The following NCKAP1L variants were observed in gnomAD, a reference collection of about 807,000 sequenced individuals.
NCKAP1L encodes the protein NCK associated protein 1 like, also known as nck-associated protein 1-like.
NCKAP1L carries 53 observed loss-of-function variants against 139.2 expected under a neutral mutation model. That is an observed-to-expected ratio of 0.38 (90% CI 0.31 to 0.48). NCKAP1L has a LOEUF of 0.48. Ranked by LOEUF, NCKAP1L falls within the 20% of genes least tolerant of loss-of-function variation. NCKAP1L has a pLI of 0.98. For synonymous variants in NCKAP1L, 468 were observed against 499.7 expected (o/e 0.94, Z 0.85); for missense variants, 1,151 against 1,381.9 (o/e 0.83, Z 2.65).
chr12:54,524,414 C>T (rs908360258), intron 20 of NCKAP1L, among the ~76,000 whole-genome samples: 1 of 152,184 alleles, frequency 6.6e-6, no homozygotes, highest in Non-Finnish European at 1.5e-5. Flanking sequence ...GAGTGCAAAG[C>T]TCCTGACATA....
At chr12:54,538,855 A>G in intron 29 of NCKAP1L, 29 bp from the exon 30 acceptor site, 1 of 1,592,212 alleles carries the variant, frequency 6.3e-7, no homozygotes, top group Admixed American at 1.7e-5. Context: ...CCTGTATAAA[A>G]ATCTGCTTTA....
chr12:54,521,151 C>T lies in NCKAP1L; in HGVS notation c.1791C>T (p.His597=). 6.2e-7 allele frequency: 1 copy of T among 1,614,124 alleles called. No homozygotes were observed. The highest frequency in any genetic ancestry group is 8.5e-7 in the Non-Finnish European group (1 of 1,180,014). Residue 597 remains histidine (H), a synonymous_variant, in exon 18 of 31, where the codon CAC becomes CAT. Transcript: ENST00000293373. ...YPHLKNHGLH[H]CNSFLEELAK... The stretch of plus-strand genomic sequence containing the variant: ...ACCTCAAGAACCATGGTCTTCACCA[C>T]TGCAACTCCTTCCTGGAAGAGTTGG...
At chr12:54,507,992 G>A (rs1161522058) in intron 4 of NCKAP1L, 83 bp downstream of exon 4, 1 of 1,220,842 alleles carries the variant, frequency 8.2e-7, no homozygotes, top group South Asian at 1.2e-5. Context: ...CTACTCACAG[G>A]ATGGGGTGGG....
rs1957199649 is a variant in NCKAP1L at position 54,546,609 on chromosome 12, C to T, written c.*3924C>T. 1 of 152,234 alleles carries T rather than the reference C, an allele frequency of 6.6e-6. No homozygotes were observed. Among genetic ancestry groups the T allele is most frequent in the South Asian group, 2.1e-4 (1 of 4,832 alleles). 9.4% of individuals were successfully genotyped at this position (152,234 alleles called of 1,614,324 possible). A position where few individuals can be genotyped will look rare whatever the true frequency, so the allele number is the denominator to read the frequency against. ...GAAGCTGGCACATGGCTGAAATGCA[C>T]TCACGCGGTTGGGGGAAGAGTGTTC... On this transcript the variant is annotated 3_prime_UTR_variant, in exon 31 of 31. Coordinates refer to ENST00000293373, the MANE Select transcript of NCKAP1L (RefSeq NM_005337.5).
chr12:54,505,460 T>A lies in NCKAP1L; in HGVS notation c.307-2393T>A, dbSNP rs1482146235. Among the ~76,000 whole-genome samples, 6 of 127,488 alleles carry A rather than the reference T, an allele frequency of 4.7e-5. No individual in the cohort carries two copies. The East Asian group carries it at 1.2e-3, about 25-fold the overall frequency. 83.6% of individuals were successfully genotyped at this position (127,488 alleles called of 152,430 possible). A position where few individuals can be genotyped will look rare whatever the true frequency, so the allele number is the denominator to read the frequency against. Reference sequence around the variant, plus strand: ...TCCTTGTGCCTTTTTTTTTTTTTTTTAGCTTCAGCCAATCCCTACCCTTCA... The same window carrying A: ...TCCTTGTGCCTTTTTTTTTTTTTTTAAGCTTCAGCCAATCCCTACCCTTCA... On this transcript the variant is annotated intron_variant, in intron 3 of 30. Coordinates refer to ENST00000293373, the MANE Select transcript of NCKAP1L (RefSeq NM_005337.5).
chr12:54,541,256 C>T (rs1424528675), intron 30 of NCKAP1L, among the ~76,000 whole-genome samples: 1 of 152,176 alleles, frequency 6.6e-6, no homozygotes, highest in Non-Finnish European at 1.5e-5. Flanking sequence ...ATCAAGGTCT[C>T]CCCTAAAATA....
rs1207987658 is a variant in NCKAP1L, at chr12:54,497,855, T to C, written c.66T>C (p.Gly22=). The C allele has an allele frequency of 6.2e-7, 1 of 1,613,322 alleles. No homozygotes were observed. The highest frequency in any genetic ancestry group is 1.1e-5 in the South Asian group (1 of 91,066). The part of the protein sequence containing the change: ...AEKLTILNDR[G]QGVLIRMYNI... The stretch of plus-strand genomic sequence containing the variant: ...AGCTCACTATCCTGAATGATCGCGG[T>C]CAGGGGGTTCTCATCCGTATGTATA... Residue 22 remains glycine, a synonymous_variant, in exon 1 of 31, where the codon GGT becomes GGC. Coordinates refer to ENST00000293373, the MANE Select transcript of NCKAP1L (RefSeq NM_005337.5).
At chr12:54,518,510 C>T (rs1346493058) in intron 13 of NCKAP1L, 141 bp from the exon 14 acceptor site, 7 of 744,110 alleles carry the variant, frequency 9.4e-6, no homozygotes, top group Admixed American at 4.0e-5. Flanking sequence ...AAGTTTCCTT[C>T]ATCTCTTGCT....
intron 26 of NCKAP1L, 50 bp from the exon 27 acceptor site, chr12:54,535,054 G>T (rs878901349): frequency 6.8e-7 from 1 of 1,474,748 alleles, no homozygotes; most frequent in Admixed American, 1.9e-5. Flanking sequence ...CTTCTGTCAA[G>T]CCATTGTGTC....
intron 29 of NCKAP1L, among the ~76,000 whole-genome samples, chr12:54,537,532 G>A (rs528028641): frequency 6.6e-6 from 1 of 152,156 alleles, no homozygotes; most frequent in Non-Finnish European, 1.5e-5. Context: ...GGTAAATCTA[G>A]GCCTCTGTGT....
chr12:54,539,868 C>T (rs1292459436), intron 30 of NCKAP1L, among the ~76,000 whole-genome samples: 3 of 152,216 alleles, frequency 2.0e-5, no homozygotes, highest in African/African-American at 7.2e-5. Flanking sequence ...TGTTAAACTT[C>T]TTCCTACTGA....
chr12:54,528,561 G>A (rs1245994056), intron 22 of NCKAP1L, among the ~76,000 whole-genome samples, 184 bp downstream of exon 22: 2 of 152,038 alleles, frequency 1.3e-5, no homozygotes, highest in Admixed American at 1.3e-4. Context: ...AAAGTATAAG[G>A]AGGACATTCT....
rs145087800 is a variant in NCKAP1L at position 54,505,961 on chromosome 12, C to T, written c.307-1892C>T. 6.5e-3 allele frequency among the ~76,000 whole-genome samples: 988 copies of T among 152,316 alleles called. 13 individuals are homozygous for T. Among genetic ancestry groups the T allele is most frequent in the African/African-American group, 0.023 (941 of 41,564 alleles). On this transcript the variant is annotated intron_variant, in intron 3 of 30. Transcript: ENST00000293373. ...ACAGGCGGGAGCCACGGCACCCGGC[C>T]TCAGTCCCCCTTTTTGCTGAGAACT...
intron 7 of NCKAP1L, among the ~76,000 whole-genome samples, chr12:54,511,021 C>T (rs1956884402): frequency 6.6e-6 from 1 of 152,106 alleles, no homozygotes; most frequent in Non-Finnish European, 1.5e-5. Flanking sequence ...CCTCAAAGAA[C>T]TTATAGTCTG....
intron 18 of NCKAP1L, among the ~76,000 whole-genome samples, chr12:54,521,716 C>G (rs1412717950): frequency 1.3e-5 from 2 of 152,120 alleles, no homozygotes; most frequent in Non-Finnish European, 2.9e-5. Context: ...TATTTTTCCC[C>G]TCTCCTCCCT....
At chr12:54,528,045 G>A (rs1184358870) in intron 21 of NCKAP1L, among the ~76,000 whole-genome samples, 1 of 152,200 alleles carries the variant, frequency 6.6e-6, no homozygotes, top group Non-Finnish European at 1.5e-5. Flanking sequence ...TAGAGGCAAA[G>A]TGGAATTCCA....
chr12:54,519,067 G>T, intron 15 of NCKAP1L, 95 bp downstream of exon 15: 1 of 1,550,044 alleles, frequency 6.5e-7, no homozygotes, highest in African/African-American at 1.4e-5. Context: ...TTTATGGAGT[G>T]AGTCAACTTT....
chr12:54,520,084 A>G (rs1349550301), intron 16 of NCKAP1L, among the ~76,000 whole-genome samples: 1 of 152,212 alleles, frequency 6.6e-6, no homozygotes, highest in African/African-American at 2.4e-5. Context: ...TGAAGGATCA[A>G]ACAAGGAGTA....
intron 20 of NCKAP1L, among the ~76,000 whole-genome samples, chr12:54,524,495 T>C (rs1022898219): frequency 6.6e-6 from 1 of 152,150 alleles, no homozygotes; most frequent in Non-Finnish European, 1.5e-5. Flanking sequence ...TAAAGTAAGA[T>C]GCACATTGGA....
Sources: gnomAD v4.1 joint callset for allele counts (sites outside exome capture counted in the v4.1 genomes callset) on GRCh38, gnomAD v4.1.1 for gene constraint, MANE v1.5 for transcripts, NCBI Gene and HGNC (gene_info 2026-07-23, HGNC 2026-07-21) for gene names.